The following THSD7A variants were observed in gnomAD, a reference collection of about 807,000 sequenced individuals.
THSD7A encodes the protein thrombospondin type 1 domain containing 7A.
In THSD7A, 96 loss-of-function variants were observed where a neutral mutation model predicts 231.3. The observed-to-expected ratio is 0.41, with a 90% CI of 0.35 to 0.49. The LOEUF (loss-of-function observed/expected upper bound fraction) is 0.49, where lower values mean the gene tolerates loss of function less well. Ranked by LOEUF, THSD7A falls within the 20% of genes least tolerant of loss-of-function variation. The pLI, the probability that THSD7A is intolerant of heterozygous loss-of-function variation, is 0.05. For missense variants in THSD7A, 2,290 were observed against 2,070.2 expected (o/e 1.11, Z -2.06); for synonymous variants, 940 against 743.3 (o/e 1.26, Z -4.30).
At chr7:11,428,104 A>G (rs1784376109) in intron 14 of THSD7A, among the ~76,000 whole-genome samples, 1 of 152,198 alleles carries the variant, frequency 6.6e-6, no homozygotes, top group South Asian at 2.1e-4. Flanking sequence ...CAGTGTGTTT[A>G]GAGATTAAAA....
Position 11,780,755 on chromosome 7 carries a change from T to A in THSD7A, c.190+51002A>T, listed in dbSNP as rs552708226. ...CCACTGAGTTTAGAGTATGTTTTTTTAGACAGCAATGGATAACCAATACAA... is the reference window on the plus strand; with the variant it reads ...CCACTGAGTTTAGAGTATGTTTTTTAAGACAGCAATGGATAACCAATACAA... On this transcript the variant is annotated intron_variant, in intron 1 of 27. Transcript: ENST00000423059. 7.9e-5 allele frequency among the ~76,000 whole-genome samples: 12 copies of A among 152,262 alleles called. No individual in the cohort carries two copies. The East Asian group carries it at 2.1e-3, about 27-fold the overall frequency.
rs1222645643 is a variant in THSD7A, at chr7:11,376,634, A to G, written c.4825T>C (p.Tyr1609His). ...GPDGRLKTWV[Y>H]GVAAGAFVLL... ...ACAAATGCCCCAGCTGCTACACCGT[A>G]AACCCAGGTCTTTAGTCTCCCATCT... The change falls in exon 27 of 28, where the codon TAC (tyrosine) becomes CAC (histidine). Residue 1609 changes from tyrosine (Y) to histidine (H), a missense_variant. Transcript: ENST00000423059. The G allele has an allele frequency of 6.9e-6, 11 of 1,583,954 alleles. No homozygotes were observed. The highest frequency in any genetic ancestry group is 7.7e-6 in the Non-Finnish European group (9 of 1,164,090).
At chr7:11,796,646 T>C (rs1169540852) in intron 1 of THSD7A, among the ~76,000 whole-genome samples, 1 of 151,994 alleles carries the variant, frequency 6.6e-6, no homozygotes. Context: ...CGTTTATTAC[T>C]ATTGTTATTT....
rs1371607047 is a variant in THSD7A, at chr7:11,542,943, T to C, written c.1609+19A>G. On this transcript the variant is annotated intron_variant, in intron 5 of 27. Transcript: ENST00000423059. ...ACAATTGGTGGGTATAAAAGGCATG[T>C]CATGGTCACGTTACCTACCTTTTTT... The C allele has an allele frequency of 2.5e-6, 4 of 1,611,408 alleles. No individual in the cohort carries two copies. The highest frequency in any genetic ancestry group is 1.7e-5 in the Admixed American group (1 of 59,730).
rs968550747 is a variant in THSD7A at position 11,634,413 on chromosome 7, T to C, written c.1022+1717A>G. Among the ~76,000 whole-genome samples, 4 of 152,166 alleles carry C rather than the reference T, an allele frequency of 2.6e-5. No individual in the cohort carries two copies. Among genetic ancestry groups the C allele is most frequent in the Non-Finnish European group, 4.4e-5 (3 of 68,020 alleles). Reference sequence around the variant, plus strand: ...TGTCTACAGCATGCTAACCCAGTGATAGCAGGAAACAACTCAACTTGTCTT... The same window carrying C: ...TGTCTACAGCATGCTAACCCAGTGACAGCAGGAAACAACTCAACTTGTCTT... On this transcript the variant is annotated intron_variant, in intron 2 of 27. Coordinates refer to ENST00000423059, the MANE Select transcript of THSD7A (RefSeq NM_015204.3). The surrounding 1 kb of genome is among the most constrained non-coding windows in gnomAD (Gnocchi z 4.1).
At chr7:11,417,880 T>C (rs778283648) in intron 16 of THSD7A, among the ~76,000 whole-genome samples, 19 of 152,208 alleles carry the variant, frequency 1.2e-4, no homozygotes, top group Non-Finnish European at 2.5e-4. Context: ...TGTGTATATG[T>C]AAACTCTGCA....
chr7:11,592,176 G>C (rs1780192724), intron 3 of THSD7A, among the ~76,000 whole-genome samples: 1 of 152,172 alleles, frequency 6.6e-6, no homozygotes, highest in African/African-American at 2.4e-5. Context: ...GAAATTCTCT[G>C]TGGAGGTTTC....
chr7:11,739,467 G>A (rs185025715), intron 1 of THSD7A, among the ~76,000 whole-genome samples: 4 of 152,118 alleles, frequency 2.6e-5, no homozygotes, highest in African/African-American at 9.6e-5. Context: ...GATGAAGAAA[G>A]TGGAAATGGA....
chr7:11,392,593 A>G (rs1315040698), intron 23 of THSD7A, among the ~76,000 whole-genome samples: 1 of 152,162 alleles, frequency 6.6e-6, no homozygotes, highest in African/African-American at 2.4e-5. Flanking sequence ...AACTCAGTGG[A>G]TCCCACCCCC....
chr7:11,409,271 C>G (rs888120700), intron 19 of THSD7A, among the ~76,000 whole-genome samples: 5 of 152,112 alleles, frequency 3.3e-5, no homozygotes, highest in Admixed American at 2.6e-4. Context: ...GATAACAATG[C>G]CATCTTTCTT....
chr7:11,770,678 T>C (rs1309250379), intron 1 of THSD7A, among the ~76,000 whole-genome samples: 1 of 152,176 alleles, frequency 6.6e-6, no homozygotes, highest in African/African-American at 2.4e-5. Flanking sequence ...TTCTAGATTG[T>C]GTGATTTAAA....
chr7:11,446,218 C>A lies in THSD7A; in HGVS notation c.2907G>T (p.Trp969Cys). The A allele has an allele frequency of 6.2e-7, 1 of 1,613,508 alleles. No homozygotes were observed. Among genetic ancestry groups the A allele is most frequent in the Non-Finnish European group, 8.5e-7 (1 of 1,179,630 alleles). ...TTCCCTCTGGTAAAATACAGTCTGA[C>A]CAGTTCCCCACAGGTTGTGCATTAT... The part of the protein sequence containing the change: ...DKYNAQPVGN[W>C]SDCILPEGKV... Residue 969 changes from tryptophan to cysteine, a missense_variant, in exon 13 of 28, where the codon TGG becomes TGT. Coordinates refer to ENST00000423059, the MANE Select transcript of THSD7A (RefSeq NM_015204.3). The surrounding 1 kb of genome is among the most constrained non-coding windows in gnomAD (Gnocchi z 4.0).
intron 6 of THSD7A, among the ~76,000 whole-genome samples, chr7:11,529,212 GAT>G (rs1343101229): frequency 1.3e-5 from 2 of 151,974 alleles, no homozygotes; most frequent in Non-Finnish European, 2.9e-5. Context: ...TCAACTCAGA[GAT>G]ATGTTTCTCT....
At position 11,814,191 on chromosome 7, in the gene THSD7A, T is replaced by C. The variant is rs1275771908; in HGVS notation, c.190+17566A>G. ...TTGGGGTAATGAAAATGTTCTTGAA[T>C]TGATTGTGGTAATGGATGCACAAGT... On this transcript the variant is annotated intron_variant, in intron 1 of 27. Coordinates refer to ENST00000423059, the MANE Select transcript of THSD7A (RefSeq NM_015204.3). This position sits in a 1 kb window ranked among gnomAD's most constrained non-coding sequence, Gnocchi z 5.1. Among the ~76,000 whole-genome samples, 1 of 152,180 alleles carries C rather than the reference T, an allele frequency of 6.6e-6. No individual in the cohort carries two copies.
chr7:11,821,128 C>G, intron 1 of THSD7A: 1 of 1,072,100 alleles, frequency 9.3e-7, no homozygotes, highest in Non-Finnish European at 1.4e-6. Context: ...TTGCTCAGTT[C>G]CTCTATTTAG....
intron 7 of THSD7A, among the ~76,000 whole-genome samples, chr7:11,480,252 T>C (rs1388674817): frequency 6.6e-6 from 1 of 152,202 alleles, no homozygotes; most frequent in Admixed American, 6.5e-5. Context: ...AAACATTTCA[T>C]GACCTTTCCG....
At position 11,743,694 on chromosome 7, in the gene THSD7A, C is replaced by T. The variant is rs1782183293; in HGVS notation, c.190+88063G>A. ...CATACTTATTAACTCCAGGACAATA[C>T]TCTAAGTTGTGTTAGTAAATAGAGG... On this transcript the variant is annotated intron_variant, in intron 1 of 27. Coordinates refer to ENST00000423059, the MANE Select transcript of THSD7A (RefSeq NM_015204.3). Among the ~76,000 whole-genome samples, 3 of 140,760 alleles carry T rather than the reference C, an allele frequency of 2.1e-5. No homozygotes were observed. In the South Asian group the frequency reaches 6.9e-4, roughly 32 times the overall value. 92.3% of individuals were successfully genotyped at this position (140,760 alleles called of 152,430 possible).
intron 1 of THSD7A, among the ~76,000 whole-genome samples, chr7:11,781,120 G>T (rs1232165220): frequency 6.7e-6 from 1 of 149,510 alleles, no homozygotes; most frequent in Non-Finnish European, 1.5e-5. Context: ...AGAAGTATAT[G>T]CTGTGCAAAA....
At chr7:11,751,838 CT>C (rs1782512117) in intron 1 of THSD7A, among the ~76,000 whole-genome samples, 1 of 152,034 alleles carries the variant, frequency 6.6e-6, no homozygotes, top group Non-Finnish European at 1.5e-5. Context: ...CGGTCCCATC[CT>C]CCTGAAATGG....
Sources: allele counts gnomAD v4.1 joint callset (sites outside exome capture counted in the v4.1 genomes callset), GRCh38; gene constraint gnomAD v4.1.1; non-coding constraint Gnocchi (gnomAD v3.1); transcripts MANE v1.5; gene names NCBI Gene and HGNC (gene_info 2026-07-23, HGNC 2026-07-21).